The following ZNFX1 variants were observed in gnomAD, a reference collection of about 807,000 sequenced individuals.
ZNFX1 encodes zinc finger NFX1-type containing 1.
A neutral mutation model predicts 179.8 loss-of-function variants in ZNFX1; 78 were observed. The observed-to-expected ratio is 0.43, with a 90% CI of 0.36 to 0.52. The LOEUF is 0.52. Among genes scored for constraint, ZNFX1 ranks in the 20% least tolerant of loss-of-function variants. The pLI is 0.00. For missense variants in ZNFX1, 1,927 were observed against 2,386.6 expected, an observed-to-expected ratio of 0.81 and a Z score of 4.01; for synonymous variants, 848 against 868.5, an observed-to-expected ratio of 0.98 and a Z score of 0.42.
chr20:49,268,081 T>A lies in ZNFX1; in HGVS notation c.1871-1815A>T, dbSNP rs146036927. Among the ~76,000 whole-genome samples, 278 of 152,170 alleles carry A rather than the reference T, an allele frequency of 1.8e-3. 1 individual carries two copies. Among genetic ancestry groups the A allele is most frequent in the Non-Finnish European group, 3.3e-3 (226 of 68,006 alleles). On this transcript the variant is annotated intron_variant, in intron 3 of 13. Coordinates refer to ENST00000396105, the MANE Select transcript of ZNFX1 (RefSeq NM_021035.3). Reference sequence around the variant, plus strand: ...TAGTAGAGACAGGGTTTCGTCGTGTTAGCCAGGATGGTCTTGATCTCCTGA... The same window carrying A: ...TAGTAGAGACAGGGTTTCGTCGTGTAAGCCAGGATGGTCTTGATCTCCTGA...
intron 2 of ZNFX1, among the ~76,000 whole-genome samples, chr20:49,275,128 A>C (rs1600999781): frequency 2.0e-5 from 3 of 152,100 alleles, no homozygotes; most frequent in Admixed American, 6.5e-5. Context: ...GTCTCAAAAA[A>C]AAAAAATAAA....
At chr20:49,276,144 A>AGAGG (rs1348358513) in intron 1 of ZNFX1, among the ~76,000 whole-genome samples, 2 of 152,258 alleles carry the variant, frequency 1.3e-5, no homozygotes, top group African/African-American at 4.8e-5. Flanking sequence ...TTCTTGGGGT[A>AGAGG]GAGGGAATGT....
chr20:49,266,258 A>G lies in ZNFX1; in HGVS notation c.1879T>C (p.Tyr627His). Residue 627 changes from tyrosine to histidine, a missense_variant, in exon 4 of 14, where the codon TAT becomes CAT. Coordinates refer to ENST00000396105, the MANE Select transcript of ZNFX1 (RefSeq NM_021035.3). ...GCCTGAACAATTTTTAGACCCACATAGGTTTTGCCTAGAAAATAAGGAAAA... is the reference window on the plus strand; with the variant it reads ...GCCTGAACAATTTTTAGACCCACATGGGTTTTGCCTAGAAAATAAGGAAAA... The part of the protein sequence containing the change: ...IQGPPGTGKT[Y>H]VGLKIVQALL... 6.3e-7 allele frequency: 1 copy of G among 1,595,798 alleles called. No homozygotes were observed. The highest frequency in any genetic ancestry group is 2.2e-5 in the East Asian group (1 of 44,664).
At chr20:49,254,471 G>A (rs1490271254) in intron 10 of ZNFX1, 24 bp downstream of exon 10, 2 of 1,610,652 alleles carry the variant, frequency 1.2e-6, no homozygotes, top group Non-Finnish European at 8.5e-7. Context: ...GATGCAACAG[G>A]CAAATTTCTC....
At position 49,271,500 on chromosome 20, in the gene ZNFX1, C is replaced by G. The variant is rs770977004; in HGVS notation, c.312G>C (p.Arg104Ser). The change falls in exon 3 of 14, where the codon AGG becomes AGC. Residue 104 changes from arginine to serine, a missense_variant. By Grantham distance (110) the Arg-to-Ser change is moderately radical. Coordinates refer to ENST00000396105, the MANE Select transcript of ZNFX1 (RefSeq NM_021035.3). ...DQRHDQENDT[R>S]WRNGNQDCRN... ...TACAGTCCTGGTTGCCATTTCTCCA[C>G]CTGGTGTCATTCTCCTGGTCATGTC... 3 of 1,614,176 alleles carry G rather than the reference C, an allele frequency of 1.9e-6. No individual in the cohort carries two copies. The highest frequency in any genetic ancestry group is 2.5e-6 in the Non-Finnish European group (3 of 1,180,032).
intron 11 of ZNFX1, 58 bp from the exon 12 acceptor site, chr20:49,252,888 A>G: frequency 1.5e-6 from 2 of 1,324,368 alleles, no homozygotes; most frequent in Non-Finnish European, 2.2e-6. Flanking sequence ...AACCATCCAT[A>G]CTTCCATCCA....
At chr20:49,269,108 G>A (rs988617894) in intron 3 of ZNFX1, among the ~76,000 whole-genome samples, 1 of 152,188 alleles carries the variant, frequency 6.6e-6, no homozygotes, top group Non-Finnish European at 1.5e-5. Flanking sequence ...ACTCAACCTA[G>A]ATGCCCAACA....
At chr20:49,266,044 T>G (rs957906536) in intron 4 of ZNFX1, 91 bp downstream of exon 4, 19 of 1,460,082 alleles carry the variant, frequency 1.3e-5, no homozygotes, top group Admixed American at 2.0e-5. Context: ...GACTGTTGAC[T>G]TTGTTTGAAG....
intron 3 of ZNFX1, among the ~76,000 whole-genome samples, chr20:49,268,737 A>G (rs1981308052): frequency 6.6e-6 from 1 of 152,218 alleles, no homozygotes. Context: ...GAGGAAAAAA[A>G]TGCTCAACAT....
At chr20:49,255,290 G>C (rs921963431) in intron 9 of ZNFX1, among the ~76,000 whole-genome samples, 1 of 151,764 alleles carries the variant, frequency 6.6e-6, no homozygotes, top group African/African-American at 2.4e-5. Context: ...TGATCCGCCT[G>C]TCTCGGCCTC....
intron 12 of ZNFX1, among the ~76,000 whole-genome samples, 173 bp from the exon 13 acceptor site, chr20:49,251,795 C>T (rs1231815495): frequency 6.6e-6 from 1 of 151,720 alleles, no homozygotes; most frequent in Non-Finnish European, 1.5e-5. Context: ...GTCAGGATTT[C>T]AAGACCAGCC....
chr20:49,260,417 A>G, intron 7 of ZNFX1, 46 bp downstream of exon 7: 1 of 1,337,350 alleles, frequency 7.5e-7, no homozygotes, highest in Non-Finnish European at 1.1e-6. Context: ...GGTATTTACT[A>G]TATTCTACGT....
intron 1 of ZNFX1, among the ~76,000 whole-genome samples, chr20:49,277,677 C>G (rs1981616206): frequency 6.7e-6 from 1 of 148,150 alleles, no homozygotes; most frequent in Non-Finnish European, 1.5e-5. Context: ...GGCGACGGGG[C>G]GCTGAGATGG....
Position 49,264,848 on chromosome 20 carries a change from C to T in ZNFX1, c.2019G>A (p.Gln673=). 6.2e-7 allele frequency: 1 copy of T among 1,614,194 alleles called. No homozygotes were observed. The part of the protein sequence containing the change: ...DQFLEGIYNC[Q]KTSIVRVGGR... ...CACCCACCCGCACAATGCTGGTCTTCTGACAATTGTAGATGCCTGTGGAAC... is the reference window on the plus strand; with the variant it reads ...CACCCACCCGCACAATGCTGGTCTTTTGACAATTGTAGATGCCTGTGGAAC... Residue 673 remains glutamine (Q), a synonymous_variant, in exon 5 of 14, where the codon CAG becomes CAA. Transcript: ENST00000396105.
Position 49,250,333 on chromosome 20 carries a change from G to A in ZNFX1, c.3313-622C>T, listed in dbSNP as rs528087271. Among the ~76,000 whole-genome samples the A allele has an allele frequency of 1.5e-3, 229 of 152,302 alleles. 1 individual carries two copies. The highest frequency in any genetic ancestry group is 5.0e-3 in the African/African-American group (206 of 41,560). Reference sequence around the variant, plus strand: ...GAAAGAACAAGCAGTGCTGTGAGGAGGATGATGATAATGACAGAGCAGCTA... The same window carrying A: ...GAAAGAACAAGCAGTGCTGTGAGGAAGATGATGATAATGACAGAGCAGCTA... On this transcript the variant is annotated intron_variant, in intron 13 of 13. Transcript: ENST00000396105.
rs758850504 is a variant in ZNFX1 at position 49,270,491 on chromosome 20, G to A, written c.1321C>T (p.Arg441Cys). Reference protein sequence around the residue: ...QFDTKPLKFVRWQNSKRLLYG... With the variant: ...QFDTKPLKFVCWQNSKRLLYG... ...AGCAATCGTTTGGAATTCTGCCAGC[G>A]AACAAACTTCAGTGGTTTTGTGTCA... Residue 441 changes from arginine to cysteine, a missense_variant, in exon 3 of 14, where the codon CGC becomes TGC. Physicochemically the swap from Arg to Cys is radical, Grantham distance 180. Coordinates refer to ENST00000396105, the MANE Select transcript of ZNFX1 (RefSeq NM_021035.3). The surrounding 1 kb of genome is among the most constrained non-coding windows in gnomAD (Gnocchi z 4.6). 2.5e-6 allele frequency: 4 copies of A among 1,614,200 alleles called. No homozygotes were observed. The highest frequency in any genetic ancestry group is 3.4e-6 in the Non-Finnish European group (4 of 1,180,034).
Position 49,267,880 on chromosome 20 carries a change from G to GTT in ZNFX1, c.1871-1616_1871-1615dup, listed in dbSNP as rs11464385. 5.1e-3 allele frequency among the ~76,000 whole-genome samples: 754 copies of GTT among 147,194 alleles called. 4 individuals carry two copies. Among genetic ancestry groups the GTT allele is most frequent in the Middle Eastern group, 0.021 (6 of 290 alleles). Reference sequence around the variant, plus strand: ...CTTTCTTCATCCGTATAACAGTTTTGTTTTTTTTTTTGAGGTGGAGTCTTG... The same window carrying GTT: ...CTTTCTTCATCCGTATAACAGTTTTGTTTTTTTTTTTTTGAGGTGGAGTCTTG... On this transcript the variant is annotated intron_variant, in intron 3 of 13. Transcript: ENST00000396105.
At chr20:49,259,957 T>G (rs1055107791) in intron 7 of ZNFX1, among the ~76,000 whole-genome samples, 1 of 152,254 alleles carries the variant, frequency 6.6e-6, no homozygotes, top group African/African-American at 2.4e-5. Flanking sequence ...GAGTTTCCAT[T>G]GCTTCAAATT....
chr20:49,254,769 C>CA, intron 9 of ZNFX1, 120 bp from the exon 10 acceptor site: 6 of 1,130,084 alleles, frequency 5.3e-6, no homozygotes, highest in Non-Finnish European at 7.5e-6. Flanking sequence ...TAGTGACAAA[C>CA]AGAGAGATAC....
Sources: gnomAD v4.1 joint callset for allele counts (sites outside exome capture counted in the v4.1 genomes callset) on GRCh38, gnomAD v4.1.1 for gene constraint, Gnocchi (gnomAD v3.1) non-coding constraint, MANE v1.5 for transcripts, NCBI Gene and HGNC (gene_info 2026-07-23, HGNC 2026-07-21) for gene names.